The following ULK4 variants were observed in gnomAD, a reference collection of about 807,000 sequenced individuals.
ULK4 encodes the protein inactive serine/threonine-protein kinase ULK4.
ULK4 carries 133 observed loss-of-function variants against 160.6 expected under a neutral mutation model. The observed-to-expected ratio is 0.83, with a 90% CI of 0.72 to 0.96. The LOEUF (loss-of-function observed/expected upper bound fraction) is 0.96, where lower values mean the gene tolerates loss of function less well. Ranked by LOEUF, ULK4 falls within the 40% of genes least tolerant of loss-of-function variation. ULK4 has a pLI of 0.00. For missense variants in ULK4, 1,580 were observed against 1,499.5 expected (o/e 1.05, Z -0.89); for synonymous variants, 534 against 539.8 (o/e 0.99, Z 0.15).
intron 31 of ULK4, among the ~76,000 whole-genome samples, chr3:41,599,931 T>C (rs1039298605): frequency 6.6e-6 from 1 of 152,194 alleles, no homozygotes; most frequent in African/African-American, 2.4e-5. Flanking sequence ...CTAAAAAATA[T>C]TAGTTACTGA....
At chr3:41,413,320 T>G (rs1455810629) in intron 34 of ULK4, among the ~76,000 whole-genome samples, 1 of 152,130 alleles carries the variant, frequency 6.6e-6, no homozygotes, top group African/African-American at 2.4e-5. Context: ...CCAAGCCATA[T>G]CAGGCGTGAA....
At chr3:41,296,698 C>T (rs529564324) in intron 35 of ULK4, among the ~76,000 whole-genome samples, 11 of 152,108 alleles carry the variant, frequency 7.2e-5, no homozygotes, top group Admixed American at 1.3e-4. Context: ...CAGGCAGAAG[C>T]GCTCTAAGAT....
intron 29 of ULK4, among the ~76,000 whole-genome samples, chr3:41,677,717 G>A (rs566978761): frequency 5.3e-5 from 8 of 152,082 alleles, no homozygotes; most frequent in African/African-American, 7.2e-5. Flanking sequence ...TAAATAGTAC[G>A]CGGTTCATTC....
At chr3:41,371,404 G>A (rs1408849196) in intron 35 of ULK4, among the ~76,000 whole-genome samples, 1 of 152,152 alleles carries the variant, frequency 6.6e-6, no homozygotes, top group Admixed American at 6.5e-5. Flanking sequence ...AGCTCCAGCT[G>A]ACATCTGGCA....
At chr3:41,869,563 G>A (rs563351143) in intron 17 of ULK4, among the ~76,000 whole-genome samples, 13 of 151,900 alleles carry the variant, frequency 8.6e-5, no homozygotes, top group Admixed American at 2.0e-4. Flanking sequence ...CTGGGTGACC[G>A]GGTGAGACTC....
intron 32 of ULK4, among the ~76,000 whole-genome samples, chr3:41,523,860 G>A (rs1056534939): frequency 2.0e-5 from 3 of 152,192 alleles, no homozygotes; most frequent in African/African-American, 7.2e-5. Flanking sequence ...ACAACAGCCA[G>A]AAGTGGAAAC....
At chr3:41,782,156 ATT>A (rs35717916) in intron 21 of ULK4, among the ~76,000 whole-genome samples, 8 of 142,948 alleles carry the variant, frequency 5.6e-5, no homozygotes, top group African/African-American at 5.1e-5. Context: ...GCGATTCTGA[ATT>A]TTTTTTTTTT....
At chr3:41,607,639 G>C (rs1276997824) in intron 31 of ULK4, among the ~76,000 whole-genome samples, 1 of 152,096 alleles carries the variant, frequency 6.6e-6, no homozygotes, top group Non-Finnish European at 1.5e-5. Context: ...GGTAGACAAA[G>C]GTATGACAAA....
intron 35 of ULK4, among the ~76,000 whole-genome samples, chr3:41,315,417 G>C (rs1002014583): frequency 1.3e-5 from 2 of 152,160 alleles, no homozygotes; most frequent in African/African-American, 4.8e-5. Flanking sequence ...CAGGCTTCTG[G>C]AATGGTGGCG....
intron 34 of ULK4, among the ~76,000 whole-genome samples, chr3:41,427,730 C>T (rs1486470878): frequency 1.3e-5 from 2 of 152,142 alleles, no homozygotes; most frequent in African/African-American, 2.4e-5. Flanking sequence ...TCCCTCCATG[C>T]TAAAAACTCT....
intron 27 of ULK4, among the ~76,000 whole-genome samples, chr3:41,688,379 C>A (rs1336923701): frequency 1.3e-5 from 2 of 152,106 alleles, no homozygotes; most frequent in Non-Finnish European, 2.9e-5. Flanking sequence ...CATAGTGGAA[C>A]CCCCATCCCT....
chr3:41,376,948 G>A (rs898337016), intron 35 of ULK4, among the ~76,000 whole-genome samples: 1 of 150,354 alleles, frequency 6.7e-6, no homozygotes, highest in African/African-American at 2.5e-5. Context: ...CAAAGCTGGA[G>A]GCATCACACT....
intron 1 of ULK4, among the ~76,000 whole-genome samples, chr3:41,958,376 T>A (rs1576022552): frequency 6.6e-6 from 1 of 152,260 alleles, no homozygotes; most frequent in African/African-American, 2.4e-5. Context: ...CAATTAAAAA[T>A]TTTTTAAGAC....
chr3:41,303,870 G>A (rs997458538), intron 35 of ULK4, among the ~76,000 whole-genome samples: 2 of 152,048 alleles, frequency 1.3e-5, no homozygotes, highest in African/African-American at 4.8e-5. Context: ...CAGGGTGGGG[G>A]GCAACCAAAA....
At position 41,757,592 on chromosome 3, in the gene ULK4, A is replaced by G. The variant is rs566353915; in HGVS notation, c.2194-3104T>C. Among the ~76,000 whole-genome samples, 333 of 143,806 alleles carry G rather than the reference A, an allele frequency of 2.3e-3. 1 individual carries two copies. The highest frequency in any genetic ancestry group is 7.8e-3 in the African/African-American group (294 of 37,722). 94.3% of individuals were successfully genotyped at this position (143,806 alleles called of 152,430 possible). A position where few individuals can be genotyped will look rare whatever the true frequency, so the allele number is the denominator to read the frequency against. ...GCTTTCAGTGAGCCGATATCGTGCC[A>G]CTACACTCCAGCCTGCGCAACAGAG... On this transcript the variant is annotated intron_variant, in intron 21 of 36. Coordinates refer to ENST00000301831, the MANE Select transcript of ULK4 (RefSeq NM_017886.4).
chr3:41,463,584 C>A (rs2083748832), intron 32 of ULK4, among the ~76,000 whole-genome samples: 1 of 152,142 alleles, frequency 6.6e-6, no homozygotes, highest in Non-Finnish European at 1.5e-5. Context: ...AACAACTGTC[C>A]CCAGATTCTT....
At chr3:41,874,656 A>G (rs1381528651) in intron 17 of ULK4, among the ~76,000 whole-genome samples, 3 of 152,190 alleles carry the variant, frequency 2.0e-5, no homozygotes, top group Non-Finnish European at 4.4e-5. Context: ...GAGCTAAGCT[A>G]TGAGTATGCA....
intron 29 of ULK4, among the ~76,000 whole-genome samples, chr3:41,673,603 C>A (rs1205652922): frequency 6.6e-6 from 1 of 151,928 alleles, no homozygotes; most frequent in Non-Finnish European, 1.5e-5. Flanking sequence ...ATGTTTAATG[C>A]CATACTGTCA....
chr3:41,590,776 A>G (rs1009328472), intron 31 of ULK4, among the ~76,000 whole-genome samples: 2 of 151,526 alleles, frequency 1.3e-5, no homozygotes, highest in Admixed American at 6.6e-5. Context: ...AACTAGGTAC[A>G]GAAAGAAAAA....
Sources: allele counts gnomAD v4.1 joint callset (sites outside exome capture counted in the v4.1 genomes callset), GRCh38; gene constraint gnomAD v4.1.1; transcripts MANE v1.5; gene names NCBI Gene and HGNC (gene_info 2026-07-23, HGNC 2026-07-21).